Variants in FAT3 observed in about 807,000 individuals in gnomAD.
The protein encoded by FAT3 is FAT atypical cadherin 3.
Under a neutral mutation model 310.2 loss-of-function variants are expected in FAT3, and 95 were observed. The ratio of observed to expected loss-of-function variants is 0.31; its 90% CI spans 0.26 to 0.36. The LOEUF is 0.36. Ranked by LOEUF, FAT3 falls within the 10% of genes least tolerant of loss-of-function variation. FAT3 has a pLI of 1.00. For missense variants in FAT3, 5,408 were observed against 5,715.6 expected (o/e 0.95, Z 1.74); for synonymous variants, 2,314 against 2,192.9 (o/e 1.06, Z -1.54).
intron 2 of FAT3, among the ~76,000 whole-genome samples, chr11:92,436,412 G>A (rs897322581): frequency 1.4e-4 from 22 of 152,180 alleles, no homozygotes; most frequent in Non-Finnish European, 1.5e-5. Flanking sequence ...AAAATGCTGG[G>A]ATTACAGGCG....
chr11:92,576,304 G>T (rs1938482869), intron 3 of FAT3, among the ~76,000 whole-genome samples: 1 of 152,034 alleles, frequency 6.6e-6, no homozygotes. Context: ...ATTACTTATT[G>T]GTCTCAACCT....
intron 2 of FAT3, among the ~76,000 whole-genome samples, chr11:92,428,223 C>G (rs1449489767): frequency 6.6e-6 from 1 of 150,378 alleles, no homozygotes; most frequent in East Asian, 1.9e-4. Context: ...TGGTGATATC[C>G]CCTTTATCAT....
chr11:92,255,136 G>A (rs984938825), intron 1 of FAT3, among the ~76,000 whole-genome samples: 1 of 152,060 alleles, frequency 6.6e-6, no homozygotes, highest in Non-Finnish European at 1.5e-5. Context: ...AGTTAACTCT[G>A]ACTAATGTCC....
rs927831946 is a variant in FAT3 at position 92,566,265 on chromosome 11, A to G, written c.3607+41317A>G. Among the ~76,000 whole-genome samples the G allele has an allele frequency of 3.9e-5, 6 of 152,354 alleles. No individual in the cohort carries two copies. In the South Asian group the frequency reaches 8.3e-4, roughly 21 times the overall value. ...TAACAGACAAACAGAGAGCTAAATC[A>G]TGAGTGAACTCCCATTCACAATTGC... On this transcript the variant is annotated intron_variant, in intron 3 of 27. Coordinates refer to ENST00000525166, the MANE Select transcript of FAT3 (RefSeq NM_001367949.2).
At chr11:92,435,531 TTCTTTC>T in intron 2 of FAT3, among the ~76,000 whole-genome samples, 1 of 115,148 alleles carries the variant, frequency 8.7e-6, no homozygotes, top group Non-Finnish European at 1.9e-5. Flanking sequence ...TTCTCTTTCT[TTCTTTC>T]CCTTCCTTCC....
At chr11:92,862,232 T>A (rs1348075299) in intron 21 of FAT3, among the ~76,000 whole-genome samples, 1 of 151,988 alleles carries the variant, frequency 6.6e-6, no homozygotes, top group Non-Finnish European at 1.5e-5. Context: ...ATAACTGAGG[T>A]TCCTGGCAGC....
chr11:92,711,285 T>C (rs1488746398), intron 4 of FAT3, among the ~76,000 whole-genome samples: 1 of 152,192 alleles, frequency 6.6e-6, no homozygotes, highest in Non-Finnish European at 1.5e-5. Flanking sequence ...TCTATATTAA[T>C]ATATTTACAT....
chr11:92,237,807 A>G (rs1864491813), intron 1 of FAT3, among the ~76,000 whole-genome samples: 1 of 152,172 alleles, frequency 6.6e-6, no homozygotes, highest in Admixed American at 6.5e-5. Context: ...ATAATTTAGC[A>G]TCTTGAAGAG....
chr11:92,442,078 ATT>A (rs1339635943), intron 2 of FAT3, among the ~76,000 whole-genome samples: 2,203 of 83,068 alleles, frequency 0.027, 115 homozygotes, highest in African/African-American at 0.11. Context: ...AGAAATATAT[ATT>A]TTATATATAT....
chr11:92,573,692 T>C (rs1318337800), intron 3 of FAT3, among the ~76,000 whole-genome samples: 1 of 152,096 alleles, frequency 6.6e-6, no homozygotes, highest in East Asian at 1.9e-4. Context: ...GTTAGAGCTA[T>C]GCAGCCCCAA....
chr11:92,236,802 C>A (rs1226177115), intron 1 of FAT3, among the ~76,000 whole-genome samples: 1 of 152,066 alleles, frequency 6.6e-6, no homozygotes, highest in Non-Finnish European at 1.5e-5. Context: ...TTATTTCTGG[C>A]GAGATTTACT....
At chr11:92,257,363 G>T (rs1865358366) in intron 1 of FAT3, among the ~76,000 whole-genome samples, 1 of 152,094 alleles carries the variant, frequency 6.6e-6, no homozygotes, top group South Asian at 2.1e-4. Flanking sequence ...GGGTAAATTT[G>T]AAAGTAGCTG....
At chr11:92,551,667 G>A (rs1433406484) in intron 3 of FAT3, among the ~76,000 whole-genome samples, 1 of 152,052 alleles carries the variant, frequency 6.6e-6, no homozygotes, top group East Asian at 1.9e-4. Flanking sequence ...TGTTATTAGA[G>A]GAGACACACT....
intron 2 of FAT3, among the ~76,000 whole-genome samples, chr11:92,472,699 G>C (rs2135156176): frequency 6.6e-6 from 1 of 152,314 alleles, no homozygotes; most frequent in East Asian, 1.9e-4. Flanking sequence ...CTCCATGTCT[G>C]AATTCACTTG....
intron 1 of FAT3, among the ~76,000 whole-genome samples, chr11:92,298,078 T>G (rs1270142561): frequency 6.6e-6 from 1 of 152,008 alleles, no homozygotes; most frequent in African/African-American, 2.4e-5. Flanking sequence ...AAGTGGTGAT[T>G]GACAGCCCAG....
chr11:92,503,233 T>A (rs1029356938), intron 2 of FAT3, among the ~76,000 whole-genome samples: 1 of 152,132 alleles, frequency 6.6e-6, no homozygotes, highest in Non-Finnish European at 1.5e-5. Flanking sequence ...AAATAATGTT[T>A]GATTCTTGCA....
intron 9 of FAT3, 74 bp from the exon 10 acceptor site, chr11:92,797,762 T>A (rs1947213311): frequency 7.6e-7 from 1 of 1,311,900 alleles, no homozygotes; most frequent in African/African-American, 1.5e-5. Context: ...AAGGTACCTA[T>A]AGATAAAGAG....
chr11:92,668,679 A>C (rs1422545533), intron 3 of FAT3, among the ~76,000 whole-genome samples: 1 of 152,222 alleles, frequency 6.6e-6, no homozygotes, highest in Non-Finnish European at 1.5e-5. Context: ...TTTAGAATAA[A>C]TGTATGTCAA....
chr11:92,479,447 G>A (rs1302824668), intron 2 of FAT3, among the ~76,000 whole-genome samples: 2 of 152,092 alleles, frequency 1.3e-5, no homozygotes, highest in African/African-American at 4.8e-5. Flanking sequence ...CATTTAGCAA[G>A]TATTTGTAAG....
Sources: gnomAD v4.1 joint callset for allele counts (sites outside exome capture counted in the v4.1 genomes callset) on GRCh38, gnomAD v4.1.1 for gene constraint, MANE v1.5 for transcripts, NCBI Gene and HGNC (gene_info 2026-07-23, HGNC 2026-07-21) for gene names.